Variants in PATJ observed in about 807,000 individuals in gnomAD.
The protein encoded by PATJ is PATJ crumbs cell polarity complex component.
In PATJ, 190 loss-of-function variants were observed where a neutral mutation model predicts 224.9. That is an observed-to-expected ratio of 0.84 (90% CI 0.75 to 0.95). The LOEUF is 0.95. PATJ is among the 40% of genes least tolerant of loss of function. PATJ has a pLI of 0.00. For missense variants in PATJ, 2,121 were observed against 2,270.3 expected (o/e 0.93, Z 1.34); for synonymous variants, 769 against 820.3 (o/e 0.94, Z 1.07).
intron 27 of PATJ, among the ~76,000 whole-genome samples, chr1:61,982,871 G>C (rs1326224560): frequency 6.6e-6 from 1 of 151,716 alleles, no homozygotes. Context: ...GTATTAGGTT[G>C]GTGCAAAAGT....
chr1:61,869,146 G>C (rs1005653730), intron 20 of PATJ, among the ~76,000 whole-genome samples: 1 of 128,338 alleles, frequency 7.8e-6, no homozygotes, highest in East Asian at 2.3e-4. Flanking sequence ...TCGCTCTGTC[G>C]CCCAGGCTGG....
At chr1:62,021,900 G>A (rs933699574) in intron 29 of PATJ, among the ~76,000 whole-genome samples, 12 of 152,080 alleles carry the variant, frequency 7.9e-5, no homozygotes, top group Non-Finnish European at 1.6e-4. Context: ...GTGTTATAAC[G>A]TTACTTTGAG....
Position 61,775,261 on chromosome 1 carries a change from G to C in PATJ, c.776G>C (p.Gly259Ala). The C allele has an allele frequency of 6.2e-7, 1 of 1,613,970 alleles. No individual in the cohort carries two copies. Among genetic ancestry groups the C allele is most frequent in the Middle Eastern group, 1.7e-4 (1 of 6,058 alleles). ...CTCATTAATGATGGCTCTGGACTAG[G>C]TTTTGGAATAGTTGGAGGAAAAACA... ...VELINDGSGL[G>A]FGIVGGKTSG... The change falls in exon 7 of 44, where the codon GGT (glycine) becomes GCT (alanine). Residue 259 changes from glycine to alanine, a missense_variant. By Grantham distance (60) the Gly-to-Ala change is moderately conservative (BLOSUM62 0). Coordinates refer to ENST00000642238, the MANE Select transcript of PATJ (RefSeq NM_001350145.3).
At chr1:62,037,914 T>C in intron 29 of PATJ, 63 bp from the exon 30 acceptor site, 1 of 944,106 alleles carries the variant, frequency 1.1e-6, no homozygotes, top group Non-Finnish European at 1.6e-6. Flanking sequence ...GAAGTATTTA[T>C]AATTTGAGCC....
chr1:61,885,373 T>A (rs1055335751), intron 22 of PATJ, among the ~76,000 whole-genome samples: 2 of 152,114 alleles, frequency 1.3e-5, no homozygotes, highest in African/African-American at 4.8e-5. Flanking sequence ...GCAAAGGATA[T>A]GAACAGACAC....
intron 9 of PATJ, among the ~76,000 whole-genome samples, chr1:61,792,395 A>G (rs1469237486): frequency 6.6e-6 from 1 of 152,256 alleles, no homozygotes; most frequent in Non-Finnish European, 1.5e-5. Flanking sequence ...GGTTAGAGGA[A>G]TCATTAGTTC....
intron 31 of PATJ, among the ~76,000 whole-genome samples, chr1:62,063,513 T>G (rs896915692): frequency 1.3e-5 from 2 of 152,192 alleles, no homozygotes; most frequent in Non-Finnish European, 2.9e-5. Flanking sequence ...CCATACAGAT[T>G]TTAGGATAGC....
chr1:61,820,406 A>C (rs1374550829), intron 14 of PATJ, among the ~76,000 whole-genome samples: 1 of 152,006 alleles, frequency 6.6e-6, no homozygotes, highest in African/African-American at 2.4e-5. Flanking sequence ...GCAATGGCTC[A>C]GTCTCAGCTC....
intron 30 of PATJ, among the ~76,000 whole-genome samples, chr1:62,044,771 A>G (rs1652200904): frequency 6.6e-6 from 1 of 152,204 alleles, no homozygotes; most frequent in Non-Finnish European, 1.5e-5. Context: ...TGAGCAGCCT[A>G]GTAAATAAGC....
intron 38 of PATJ, among the ~76,000 whole-genome samples, chr1:62,122,652 C>T (rs867593917): frequency 3.3e-5 from 5 of 151,622 alleles, no homozygotes; most frequent in African/African-American, 1.2e-4. Flanking sequence ...TGGTGAAACC[C>T]CGTCTCTACT....
chr1:61,919,417 T>C (rs1053022126), intron 26 of PATJ, among the ~76,000 whole-genome samples: 2 of 151,714 alleles, frequency 1.3e-5, no homozygotes, highest in African/African-American at 4.8e-5. Flanking sequence ...AGTCCTCCCA[T>C]CTGAGCCTCC....
intron 43 of PATJ, among the ~76,000 whole-genome samples, chr1:62,156,054 TAAA>T (rs34300724): frequency 3.9e-4 from 17 of 43,066 alleles, no homozygotes; most frequent in Admixed American, 2.0e-3. Flanking sequence ...CAAGACTCTG[TAAA>T]AAAAAAAAAA....
intron 14 of PATJ, among the ~76,000 whole-genome samples, chr1:61,810,601 G>A (rs1570634734): frequency 6.6e-6 from 1 of 152,120 alleles, no homozygotes; most frequent in African/African-American, 2.4e-5. Flanking sequence ...GTAGGCTGAG[G>A]GAGGAGAATC....
chr1:61,861,287 T>TC (rs1327378769), intron 18 of PATJ, among the ~76,000 whole-genome samples: 1 of 93,410 alleles, frequency 1.1e-5, no homozygotes, highest in East Asian at 2.1e-4. Flanking sequence ...TTTCTTTCTT[T>TC]TTTTTTTTTT....
At chr1:62,106,938 G>A (rs1663133050) in intron 33 of PATJ, among the ~76,000 whole-genome samples, 1 of 152,094 alleles carries the variant, frequency 6.6e-6, no homozygotes. Flanking sequence ...AGGAATAGGA[G>A]GACCCTGGGC....
intron 41 of PATJ, among the ~76,000 whole-genome samples, chr1:62,144,614 T>C (rs11207912): frequency 0.1 from 15,342 of 151,680 alleles, 875 homozygotes; most frequent in Middle Eastern, 0.19. Flanking sequence ...AAAACAGACT[T>C]TTATGATTCC....
chr1:61,821,314 G>A (rs1276870569), intron 14 of PATJ, among the ~76,000 whole-genome samples: 2 of 152,202 alleles, frequency 1.3e-5, no homozygotes, highest in African/African-American at 2.4e-5. Context: ...AAAGTGTTGG[G>A]ATTACAGGCG....
chr1:62,123,266 C>T (rs1038487579), intron 39 of PATJ, among the ~76,000 whole-genome samples: 1 of 152,074 alleles, frequency 6.6e-6, no homozygotes, highest in East Asian at 1.9e-4. Context: ...TGGCAAATCT[C>T]ATCCACTATA....
chr1:61,961,926 G>A (rs1681347536), intron 27 of PATJ, among the ~76,000 whole-genome samples: 1 of 146,486 alleles, frequency 6.8e-6, no homozygotes, highest in African/African-American at 2.5e-5. Flanking sequence ...CCGAGATCAC[G>A]CCATCGCACT....
Sources: gnomAD v4.1 joint callset for allele counts (sites outside exome capture counted in the v4.1 genomes callset) on GRCh38, gnomAD v4.1.1 for gene constraint, MANE v1.5 for transcripts, NCBI Gene and HGNC (gene_info 2026-07-23, HGNC 2026-07-21) for gene names.